The following CALN1 variants were observed in gnomAD, a reference collection of about 807,000 sequenced individuals.
CALN1 encodes calneuron 1, also known as calcium-binding protein 8.
CALN1 carries 17 observed loss-of-function variants against 30.6 expected under a neutral mutation model. The ratio of observed to expected loss-of-function variants is 0.56; its 90% CI spans 0.38 to 0.83. The LOEUF is 0.83. Ranked by LOEUF, CALN1 falls within the 40% of genes least tolerant of loss-of-function variation. The pLI, the probability that CALN1 is intolerant of heterozygous loss-of-function variation, is 0.00. For missense variants in CALN1, 291 were observed against 354.9 expected (o/e 0.82, Z 1.45); for synonymous variants, 156 against 131.4 (o/e 1.19, Z -1.28).
At chr7:72,336,814 G>A (rs1052325039) in intron 2 of CALN1, 251 of 985,072 alleles carry the variant, frequency 2.5e-4, no homozygotes, top group Non-Finnish European at 2.9e-4. Flanking sequence ...GATGCGCCGA[G>A]CGGGCAGCGC....
intron 4 of CALN1, among the ~76,000 whole-genome samples, chr7:72,057,605 G>A (rs1015806471): frequency 1.3e-5 from 2 of 151,454 alleles, no homozygotes; most frequent in Non-Finnish European, 2.9e-5. Flanking sequence ...TTTCTTCTAA[G>A]CAAATAAACA....
intron 3 of CALN1, among the ~76,000 whole-genome samples, chr7:72,158,037 G>A (rs975496100): frequency 1.3e-5 from 2 of 152,082 alleles, no homozygotes; most frequent in African/African-American, 2.4e-5. Context: ...GAGCCACTGC[G>A]CCCAGCCCAT....
At chr7:72,470,490 T>C in the CALN1 span, among the ~76,000 whole-genome samples, 1 of 152,100 alleles carries the variant, frequency 6.6e-6, no homozygotes, top group Non-Finnish European at 1.5e-5. Context: ...TCCTGACTAC[T>C]CCAAGAGCAG....
intron 5 of CALN1, among the ~76,000 whole-genome samples, chr7:71,917,967 A>G (rs906570183): frequency 1.3e-5 from 2 of 152,256 alleles, no homozygotes; most frequent in African/African-American, 4.8e-5. Context: ...GAAAATCCAG[A>G]GTCACGACCA....
At chr7:71,802,760 C>T (rs746437888) in intron 6 of CALN1, among the ~76,000 whole-genome samples, 10 of 152,286 alleles carry the variant, frequency 6.6e-5, no homozygotes, top group Non-Finnish European at 1.3e-4. Context: ...CGGGGGCTCA[C>T]GCCTGTAATC....
intron 5 of CALN1, among the ~76,000 whole-genome samples, chr7:71,841,382 G>A (rs1053829255): frequency 2.6e-5 from 4 of 152,184 alleles, no homozygotes; most frequent in African/African-American, 9.7e-5. Context: ...TGCCTGCAAA[G>A]ACTGGATGGA....
chr7:71,936,462 C>T (rs796835855), intron 5 of CALN1, among the ~76,000 whole-genome samples: 2 of 151,248 alleles, frequency 1.3e-5, no homozygotes, highest in Non-Finnish European at 2.9e-5. Context: ...GCACTGTACA[C>T]CAAGCTGGAA....
chr7:72,337,346 C>G, intron 2 of CALN1: 1 of 951,512 alleles, frequency 1.1e-6, no homozygotes, highest in Non-Finnish European at 1.3e-6. Flanking sequence ...CAACCTCCGC[C>G]TCTCCAATGG....
At chr7:72,294,805 G>T (rs2129555189) in intron 2 of CALN1, among the ~76,000 whole-genome samples, 1 of 149,150 alleles carries the variant, frequency 6.7e-6, no homozygotes, top group South Asian at 2.1e-4. Flanking sequence ...AATGGTTGAA[G>T]TCTTTAAAGA....
the CALN1 span, among the ~76,000 whole-genome samples, chr7:72,487,971 G>GA: frequency 9.0e-5 from 12 of 132,804 alleles, no homozygotes; most frequent in Non-Finnish European, 1.3e-4. Flanking sequence ...AGGAAGGAAG[G>GA]AAGGAAGGAA....
intron 5 of CALN1, among the ~76,000 whole-genome samples, chr7:71,946,205 T>G (rs1687439693): frequency 6.6e-6 from 1 of 152,150 alleles, no homozygotes; most frequent in Non-Finnish European, 1.5e-5. Context: ...GAAAAAAAGT[T>G]TCTCCAAAGG....
chr7:72,312,701 A>C (rs1342891470), intron 2 of CALN1, among the ~76,000 whole-genome samples: 1 of 152,208 alleles, frequency 6.6e-6, no homozygotes, highest in African/African-American at 2.4e-5. Flanking sequence ...AAGGAAAACA[A>C]ACAGTTATGA....
intron 2 of CALN1, among the ~76,000 whole-genome samples, chr7:72,348,414 T>C (rs1802753843): frequency 6.6e-6 from 1 of 152,160 alleles, no homozygotes; most frequent in Non-Finnish European, 1.5e-5. Context: ...TCAGAGTTCA[T>C]GAAGGCTTAG....
At chr7:71,806,937 G>A (rs937448297) in intron 6 of CALN1, among the ~76,000 whole-genome samples, 1 of 152,206 alleles carries the variant, frequency 6.6e-6, no homozygotes, top group African/African-American at 2.4e-5. Context: ...AAACCCTGCT[G>A]TCTCAGTGTA....
chr7:72,331,426 C>A (rs1178623363), intron 2 of CALN1, among the ~76,000 whole-genome samples: 1 of 152,124 alleles, frequency 6.6e-6, no homozygotes, highest in African/African-American at 2.4e-5. Context: ...TTTTCAGAAA[C>A]CTACCCCTAG....
At chr7:71,980,537 C>CT (rs1798340502) in intron 5 of CALN1, among the ~76,000 whole-genome samples, 1 of 152,116 alleles carries the variant, frequency 6.6e-6, no homozygotes, top group Non-Finnish European at 1.5e-5. Flanking sequence ...TAGTGTTCCT[C>CT]ATAGGGATAT....
intron 2 of CALN1, among the ~76,000 whole-genome samples, chr7:72,374,037 GGT>G (rs1491331225): frequency 6.6e-6 from 1 of 152,134 alleles, no homozygotes; most frequent in African/African-American, 2.4e-5. Context: ...CAGGAATGAA[GGT>G]GAAATAAAGA....
intron 1 of CALN1, among the ~76,000 whole-genome samples, chr7:72,445,763 C>T (rs1250552061): frequency 1.3e-5 from 2 of 152,102 alleles, no homozygotes; most frequent in Non-Finnish European, 2.9e-5. Flanking sequence ...GGACATTCAT[C>T]CAGAGAAAGT....
intron 5 of CALN1, among the ~76,000 whole-genome samples, chr7:71,850,304 CT>C (rs1359403151): frequency 6.6e-6 from 1 of 152,194 alleles, no homozygotes; most frequent in Non-Finnish European, 1.5e-5. Context: ...CAACCTCCGC[CT>C]CCCGGGTTCA....
Sources: gnomAD v4.1 joint callset for allele counts (sites outside exome capture counted in the v4.1 genomes callset) on GRCh38, gnomAD v4.1.1 for gene constraint, MANE v1.5 for transcripts, NCBI Gene and HGNC (gene_info 2026-07-23, HGNC 2026-07-21) for gene names.